Variants in PTCH1 observed in about 807,000 individuals in gnomAD.
The protein encoded by PTCH1 is patched 1.
Under a neutral mutation model 144.6 loss-of-function variants are expected in PTCH1, and 14 were observed. The ratio of observed to expected loss-of-function variants is 0.10; its 90% CI spans 0.06 to 0.15. PTCH1 has a LOEUF of 0.15. Among genes scored for constraint, PTCH1 ranks in the 10% least tolerant of loss-of-function variants. PTCH1 has a pLI of 1.00. For missense variants in PTCH1, 1,623 were observed against 1,948.3 expected (o/e 0.83, Z 3.14); for synonymous variants, 833 against 793.6 (o/e 1.05, Z -0.83).
chr9:95,514,276 T>A (rs1844272200), intron 1 of PTCH1: 1 of 152,296 alleles, frequency 6.6e-6, no homozygotes, highest in South Asian at 2.1e-4. Flanking sequence ...GATGTATTCC[T>A]ACAACACCCA....
chr9:95,445,076 T>C lies in PTCH1; in HGVS notation c.*1317A>G, dbSNP rs565848246. The C allele has an allele frequency of 6.6e-6, 1 of 152,234 alleles. No individual in the cohort carries two copies. The highest frequency in any genetic ancestry group is 6.5e-5 in the Admixed American group (1 of 15,284). 9.4% of individuals were successfully genotyped at this position (152,234 alleles called of 1,614,324 possible). ...ATGAAGAATCCCCCCGGAGCTCTTA[T>C]CCTACATAATGCCTGCCTCTACACC... On this transcript the variant is annotated 3_prime_UTR_variant, in exon 24 of 24. Transcript: ENST00000331920.
chr9:95,456,667 C>T (rs1838957517), intron 18 of PTCH1, among the ~76,000 whole-genome samples: 1 of 152,156 alleles, frequency 6.6e-6, no homozygotes, highest in Non-Finnish European at 1.5e-5. Flanking sequence ...TTCCAATGTA[C>T]CTTCTCCAGA....
Position 95,449,011 on chromosome 9 carries a change from T to G in PTCH1, c.3804+58A>C, listed in dbSNP as rs1442385221. The G allele has an allele frequency of 6.8e-6, 11 of 1,609,440 alleles. No individual in the cohort carries two copies. Among genetic ancestry groups the G allele is most frequent in the Non-Finnish European group, 9.3e-6 (11 of 1,176,660 alleles). On this transcript the variant is annotated intron_variant, in intron 22 of 23. Coordinates refer to ENST00000331920, the MANE Select transcript of PTCH1 (RefSeq NM_000264.5). The surrounding 1 kb of genome is among the most constrained non-coding windows in gnomAD (Gnocchi z 5.3). ...AGCAGACAGGAGCCCCCGCTGGACC[T>G]CCAGGCCCACTACCACGGTGGGAAG...
At chr9:95,494,813 C>T (rs1842684542) in intron 2 of PTCH1, 1 of 152,468 alleles carries the variant, frequency 6.6e-6, no homozygotes. Context: ...AACAACAAAA[C>T]CCAAGTGCTT....
At chr9:95,479,711 G>C in intron 7 of PTCH1, 1 of 578,728 alleles carries the variant, frequency 1.7e-6, no homozygotes, top group Non-Finnish European at 3.0e-6. Context: ...CTAATGGGCA[G>C]ATCTCCTTAA....
chr9:95,510,789 G>A (rs1844110745), upstream of PTCH1, among the ~76,000 whole-genome samples: 1 of 151,518 alleles, frequency 6.6e-6, no homozygotes, highest in Non-Finnish European at 1.5e-5. Context: ...GAGGGAAAGG[G>A]GGAGGAGCAG....
At chr9:95,505,315 C>T (rs554416921) in intron 2 of PTCH1, among the ~76,000 whole-genome samples, 106 of 152,266 alleles carry the variant, frequency 7.0e-4, no homozygotes, top group African/African-American at 2.5e-3. Context: ...GAATTATCTA[C>T]CTAGTCACCT....
Position 95,463,485 on chromosome 9 carries a change from CCTTT to C in PTCH1, c.2561-1491_2561-1488del, listed in dbSNP as rs370745321. Reference sequence around the variant, plus strand: ...CAGATGTTATTTTATTACTGAAAGCCCTTTCTTTCTGTTTTTGAAAAACAATAAA... The same window carrying C: ...CAGATGTTATTTTATTACTGAAAGCCCTTTCTGTTTTTGAAAAACAATAAA... On this transcript the variant is annotated intron_variant, in intron 15 of 23. Coordinates refer to ENST00000331920, the MANE Select transcript of PTCH1 (RefSeq NM_000264.5). 4.8e-4 allele frequency among the ~76,000 whole-genome samples: 73 copies of C among 152,166 alleles called. 1 individual carries two copies. The highest frequency in any genetic ancestry group is 1.9e-3 in the East Asian group (10 of 5,186).
intron 16 of PTCH1, among the ~76,000 whole-genome samples, chr9:95,461,614 G>A (rs1029064047): frequency 2.0e-5 from 3 of 152,220 alleles, no homozygotes; most frequent in Non-Finnish European, 4.4e-5. Flanking sequence ...TTGTTCTGGT[G>A]GTAGGAACAC....
chr9:95,509,516 C>T (rs1405761848), upstream of PTCH1, among the ~76,000 whole-genome samples: 2 of 152,240 alleles, frequency 1.3e-5, no homozygotes, highest in Admixed American at 1.3e-4. Flanking sequence ...GCAATACTTC[C>T]ATTAAGGAAT....
rs2136649043 is a variant in PTCH1 at position 95,456,351 on chromosome 9, C to A, written c.3231G>T (p.Lys1077Asn). Residue 1077 changes from lysine (K) to asparagine (N), a missense_variant, in exon 19 of 24, where the codon AAG becomes AAT. Transcript: ENST00000331920. ...GGATGACCACGGGCACGGCACTGAGCTTGATTCCGATGAGGCCCATCATGC... is the reference window on the plus strand; with the variant it reads ...GGATGACCACGGGCACGGCACTGAGATTGATTCCGATGAGGCCCATCATGC... ...LFGMMGLIGI[K>N]LSAVPVVILI... 6.2e-7 allele frequency: 1 copy of A among 1,614,138 alleles called. No individual in the cohort carries two copies. The highest frequency in any genetic ancestry group is 8.5e-7 in the Non-Finnish European group (1 of 1,180,046).
In PTCH1 at chr9:95,469,804, A is replaced by T; in HGVS notation, c.1847+9T>A. On this transcript the variant is annotated intron_variant, in intron 13 of 23. Transcript: ENST00000331920. ...CCAATCAAAAGGCCACAGCAGTCTGAAAATGTACCTTGTAAAACAGCAGAA... is the reference window on the plus strand; with the variant it reads ...CCAATCAAAAGGCCACAGCAGTCTGTAAATGTACCTTGTAAAACAGCAGAA... 6.2e-7 allele frequency: 1 copy of T among 1,605,520 alleles called. No individual in the cohort carries two copies. The highest frequency in any genetic ancestry group is 8.5e-7 in the Non-Finnish European group (1 of 1,172,112).
At chr9:95,447,807 T>C (rs1302817010) in intron 22 of PTCH1, among the ~76,000 whole-genome samples, 1 of 152,172 alleles carries the variant, frequency 6.6e-6, no homozygotes, top group Non-Finnish European at 1.5e-5. Context: ...CTCCCGAAGT[T>C]GCTAAGTGTG....
chr9:95,459,749 A>G lies in PTCH1; in HGVS notation c.2738T>C (p.Ile913Thr). The G allele has an allele frequency of 6.2e-7, 1 of 1,614,230 alleles. No individual in the cohort carries two copies. Among genetic ancestry groups the G allele is most frequent in the Non-Finnish European group, 8.5e-7 (1 of 1,180,042 alleles). ...TKQRLVDADG[I>T]INPSAFYIYL... ...GATGTAGAAAGCGCTGGGATTAATG[A>G]TGCCATCTGCATCCACCAGACGCTG... is the stretch of plus-strand genomic sequence containing the variant. The change falls in exon 17 of 24, where the codon ATC becomes ACC. Residue 913 changes from isoleucine (I) to threonine (T), a missense_variant. Ile to Thr is a moderately conservative substitution (Grantham distance 89, BLOSUM62 -1). This residue lies in a region of PTCH1 where 504 missense variants were observed against 679.3 expected (regional missense o/e 0.74). Transcript: ENST00000331920.
intron 19 of PTCH1, among the ~76,000 whole-genome samples, chr9:95,454,623 C>G (rs531545350): frequency 6.6e-6 from 1 of 152,316 alleles, no homozygotes; most frequent in East Asian, 1.9e-4. Context: ...TGGCTTGCAT[C>G]ATATTTGGGC....
rs1174757570 is a variant in PTCH1 at position 95,458,638 on chromosome 9, G to C, written c.2888-345C>G. Among the ~76,000 whole-genome samples the C allele has an allele frequency of 6.6e-6, 1 of 152,160 alleles. No homozygotes were observed. The highest frequency in any genetic ancestry group is 2.4e-5 in the African/African-American group (1 of 41,418). On this transcript the variant is annotated intron_variant, in intron 17 of 23. Coordinates refer to ENST00000331920, the MANE Select transcript of PTCH1 (RefSeq NM_000264.5). This position sits in a 1 kb window ranked among gnomAD's most constrained non-coding sequence, Gnocchi z 4.7. ...TTCACACAGTTTTATTCAATCACTT[G>C]CAAGAGCAAAAGAACTCAAGAGTCA...
chr9:95,506,162 T>C (rs913822575), intron 2 of PTCH1: 3 of 248,786 alleles, frequency 1.2e-5, no homozygotes, highest in Admixed American at 6.0e-5. Flanking sequence ...CGCGCCCCCG[T>C]CCCGCCCCCG....
In PTCH1 at chr9:95,469,939, C is replaced by A. The variant is rs2118100362; in HGVS notation, c.1729-8G>T. ...CACCACTACTACCGCTGCCTGGGAG[C>A]AGAAAAAAAATTCAGAGGTCACCAA... On this transcript the variant is annotated splice_region_variant and splice_polypyrimidine_tract_variant and intron_variant, in intron 12 of 23. Transcript: ENST00000331920. 6.2e-7 allele frequency: 1 copy of A among 1,608,206 alleles called. No homozygotes were observed.
chr9:95,478,315 G>A (rs1427277312), intron 8 of PTCH1, 129 bp from the exon 9 acceptor site: 6 of 1,378,026 alleles, frequency 4.4e-6, no homozygotes, highest in Non-Finnish European at 6.1e-6. Context: ...AAAGTTCTAC[G>A]TGATTCCAGG....
Sources: gnomAD v4.1 joint callset for allele counts (sites outside exome capture counted in the v4.1 genomes callset) on GRCh38, gnomAD v4.1.1 for gene constraint, gnomAD v4.1.1 regional missense constraint, Gnocchi (gnomAD v3.1) non-coding constraint, MANE v1.5 for transcripts, NCBI Gene and HGNC (gene_info 2026-07-23, HGNC 2026-07-21) for gene names.